The following ATP9A variants were observed in gnomAD, a reference collection of about 807,000 sequenced individuals.
ATP9A encodes probable phospholipid-transporting ATPase IIA.
A neutral mutation model predicts 144.1 loss-of-function variants in ATP9A; 52 were observed. The observed-to-expected ratio is 0.36, with a 90% CI of 0.29 to 0.45. The LOEUF is 0.45. ATP9A is among the 20% of genes least tolerant of loss of function. The pLI is 1.00. For missense variants in ATP9A, 947 were observed against 1,392.7 expected, an observed-to-expected ratio of 0.68 and a Z score of 5.09; for synonymous variants, 582 against 557.4, an observed-to-expected ratio of 1.04 and a Z score of -0.62.
chr20:51,684,680 A>G (rs1179841496), intron 9 of ATP9A, among the ~76,000 whole-genome samples: 4 of 128,506 alleles, frequency 3.1e-5, no homozygotes, highest in African/African-American at 8.8e-5. Context: ...TGGGTGAAAC[A>G]GTGAGACTCT....
At chr20:51,616,461 G>A (rs2077203273) in intron 22 of ATP9A, among the ~76,000 whole-genome samples, 1 of 152,146 alleles carries the variant, frequency 6.6e-6, no homozygotes, top group Non-Finnish European at 1.5e-5. Flanking sequence ...TGGGATTACA[G>A]GCATGTGCCA....
At chr20:51,704,725 A>G (rs2077608055) in intron 4 of ATP9A, among the ~76,000 whole-genome samples, 1 of 152,254 alleles carries the variant, frequency 6.6e-6, no homozygotes, top group Admixed American at 6.5e-5. Flanking sequence ...GGTTGTGGTG[A>G]GCCGAGATCG....
At chr20:51,667,953 G>A (rs925243215) in intron 13 of ATP9A, among the ~76,000 whole-genome samples, 2 of 150,546 alleles carry the variant, frequency 1.3e-5, no homozygotes, top group African/African-American at 2.4e-5. Flanking sequence ...CTTGTAGTCC[G>A]AGCTACTTGG....
chr20:51,689,758 C>T (rs991379375), intron 8 of ATP9A, among the ~76,000 whole-genome samples: 1 of 151,670 alleles, frequency 6.6e-6, no homozygotes, highest in African/African-American at 2.4e-5. Context: ...AATTTCTCTT[C>T]TGAAAGGTCT....
At chr20:51,602,253 G>A (rs1013365826) in intron 27 of ATP9A, among the ~76,000 whole-genome samples, 1 of 152,160 alleles carries the variant, frequency 6.6e-6, no homozygotes, top group Admixed American at 6.5e-5. Flanking sequence ...ACAGTTTGTG[G>A]CTTTCAATAT....
intron 14 of ATP9A, among the ~76,000 whole-genome samples, chr20:51,656,273 C>A (rs1287235064): frequency 6.6e-6 from 1 of 152,042 alleles, no homozygotes; most frequent in Admixed American, 6.6e-5. Context: ...GCCATACTCA[C>A]CAACGCAGTG....
chr20:51,679,771 G>C (rs772668496), intron 9 of ATP9A, among the ~76,000 whole-genome samples: 1 of 152,184 alleles, frequency 6.6e-6, no homozygotes, highest in African/African-American at 2.4e-5. Context: ...CCTGGGGTCA[G>C]GGCTATTCTG....
rs532441138 is a variant in ATP9A, at chr20:51,633,194, A to C, written c.1669-4122T>G. Among the ~76,000 whole-genome samples, 20 of 152,338 alleles carry C rather than the reference A, an allele frequency of 1.3e-4. 1 individual carries two copies. The South Asian group carries it at 4.1e-3, about 32-fold the overall frequency. On this transcript the variant is annotated intron_variant, in intron 15 of 27. Transcript: ENST00000338821. The stretch of plus-strand genomic sequence containing the variant: ...AGCCTAAGCAGCCAAAAAATAAGTT[A>C]ATGAATGAAATAGTGGCACATTCTT...
chr20:51,762,219 G>A (rs2077883872), intron 1 of ATP9A, among the ~76,000 whole-genome samples: 1 of 152,096 alleles, frequency 6.6e-6, no homozygotes, highest in South Asian at 2.1e-4. Flanking sequence ...ACAAAAATTA[G>A]GCCAGGCATG....
chr20:51,750,199 C>T (rs2077825444), intron 1 of ATP9A, among the ~76,000 whole-genome samples: 1 of 152,120 alleles, frequency 6.6e-6, no homozygotes, highest in Non-Finnish European at 1.5e-5. Context: ...GCTCACCCCG[C>T]TGCCCAAACA....
rs59741561 is a variant in ATP9A, at chr20:51,611,272, C to G, written c.2572-1107G>C. 2.0e-3 allele frequency among the ~76,000 whole-genome samples: 308 copies of G among 152,232 alleles called. 1 individual carries two copies. The highest frequency in any genetic ancestry group is 7.2e-3 in the African/African-American group (298 of 41,478). ...AGCTCAGAGCGCAGGTGATCCTGAG[C>G]GCCATGGCCACAGGAAGCCCCAGTT... On this transcript the variant is annotated intron_variant, in intron 23 of 27. Coordinates refer to ENST00000338821, the MANE Select transcript of ATP9A (RefSeq NM_006045.3). This position sits in a 1 kb window ranked among gnomAD's most constrained non-coding sequence, Gnocchi z 4.2.
intron 1 of ATP9A, among the ~76,000 whole-genome samples, chr20:51,760,080 T>C (rs1410504228): frequency 6.6e-6 from 1 of 152,136 alleles, no homozygotes; most frequent in Non-Finnish European, 1.5e-5. Flanking sequence ...TTTGTGCTTT[T>C]CCCTGATGGT....
chr20:51,707,398 T>A (rs1214229379), intron 4 of ATP9A, among the ~76,000 whole-genome samples: 1 of 152,098 alleles, frequency 6.6e-6, no homozygotes, highest in Non-Finnish European at 1.5e-5. Context: ...ATCCACCCAC[T>A]GACACTTAAG....
intron 1 of ATP9A, among the ~76,000 whole-genome samples, chr20:51,730,799 T>C (rs531777629): frequency 2.6e-5 from 4 of 152,156 alleles, no homozygotes; most frequent in Non-Finnish European, 4.4e-5. Flanking sequence ...AGTATTCTAA[T>C]CTAATGGGGC....
chr20:51,726,546 A>G (rs2077714068), intron 2 of ATP9A, among the ~76,000 whole-genome samples: 1 of 152,124 alleles, frequency 6.6e-6, no homozygotes, highest in African/African-American at 2.4e-5. Context: ...GGAGGGGCAC[A>G]CAGGGGCATC....
rs1265105766 is a variant in ATP9A at position 51,768,384 on chromosome 20, C to T, written c.-15G>A. The T allele has an allele frequency of 2.7e-6, 3 of 1,127,316 alleles. No individual in the cohort carries two copies. 69.8% of individuals were successfully genotyped at this position (1,127,316 alleles called of 1,614,324 possible). ...TTGTCCGTCATGTCGGCGGCGCCGC[C>T]CGCCTTGGCCGCCGCGCCCCCCGCG... On this transcript the variant is annotated 5_prime_UTR_variant, in exon 1 of 28. Transcript: ENST00000338821.
In ATP9A at chr20:51,639,344, C is replaced by T. The variant is rs774181170; in HGVS notation, c.1667G>A (p.Arg556Gln). 9.9e-6 allele frequency: 16 copies of T among 1,611,264 alleles called. No homozygotes were observed. In the Middle Eastern group the frequency reaches 5.0e-4, roughly 50 times the overall value. Residue 556 changes from arginine to glutamine, a missense_variant and splice_region_variant, in exon 15 of 28, where the codon CGG (arginine) becomes CAG (glutamine). Coordinates refer to ENST00000338821, the MANE Select transcript of ATP9A (RefSeq NM_006045.3). ...YESKRMGIIV[R>Q]DESTGEITFY... ...AAGCCATGAATAAAAACGACTCACC[C>T]GCACGATGATGCCCATACGTTTGCT... is the stretch of plus-strand genomic sequence containing the variant.
intron 4 of ATP9A, among the ~76,000 whole-genome samples, chr20:51,700,033 A>G (rs947741404): frequency 6.6e-6 from 1 of 152,158 alleles, no homozygotes; most frequent in Non-Finnish European, 1.5e-5. Context: ...TCCTAGTGTG[A>G]GTATTTCACC....
rs34062000 is a variant in ATP9A, at chr20:51,676,917, C to CTTTT, written c.800-713_800-710dup. Among the ~76,000 whole-genome samples the CTTTT allele has an allele frequency of 9.1e-4, 62 of 68,424 alleles. 2 individuals carry two copies. The highest frequency in any genetic ancestry group is 3.4e-3 in the African/African-American group (60 of 17,718). The allele number at this position is 68,424 out of a possible 152,430, so 44.9% of individuals were successfully genotyped here. ...AGGCATGAGCCACCACGCCCAGTCT[C>CTTTT]TTTTTTTTTTTTTTTTTTTTTTTTT... On this transcript the variant is annotated intron_variant, in intron 9 of 27. Coordinates refer to ENST00000338821, the MANE Select transcript of ATP9A (RefSeq NM_006045.3).
Sources: allele counts gnomAD v4.1 joint callset (sites outside exome capture counted in the v4.1 genomes callset), GRCh38; gene constraint gnomAD v4.1.1; non-coding constraint Gnocchi (gnomAD v3.1); transcripts MANE v1.5; gene names NCBI Gene and HGNC (gene_info 2026-07-23, HGNC 2026-07-21).